Variants in WNK2 observed in about 807,000 individuals in gnomAD.
WNK2 encodes the protein WNK lysine deficient protein kinase 2, also known as serine/threonine-protein kinase WNK2.
A neutral mutation model predicts 192.1 loss-of-function variants in WNK2; 67 were observed. The observed-to-expected ratio is 0.35, with a 90% CI of 0.29 to 0.43. The LOEUF (loss-of-function observed/expected upper bound fraction) is 0.43. WNK2 is among the 20% of genes least tolerant of loss of function. WNK2 has a pLI of 1.00. For synonymous variants in WNK2, 1,439 were observed against 1,393.9 expected (o/e 1.03, Z -0.72); for missense variants, 2,698 against 3,089.7 (o/e 0.87, Z 3.01).
At chr9:93,252,261 G>T (rs80257473) in intron 8 of WNK2, among the ~76,000 whole-genome samples, 3,607 of 152,324 alleles carry the variant, frequency 0.024, 139 homozygotes, top group African/African-American at 0.083. Context: ...GTTTGATGGG[G>T]ACCAGGCCAG....
chr9:93,274,453 C>T lies in WNK2; in HGVS notation c.4033+5707C>T, dbSNP rs527918158. ...CGTGAACCCAGGAGGTGGAGCTTGC[C>T]GTGAGTCGAGATCGTGCCACTGCAC... On this transcript the variant is annotated intron_variant, in intron 19 of 29. Transcript: ENST00000427277. 2.4e-4 allele frequency among the ~76,000 whole-genome samples: 35 copies of T among 147,884 alleles called. No individual in the cohort carries two copies. In the South Asian group the frequency reaches 7.3e-3, roughly 31 times the overall value.
In WNK2 at chr9:93,259,363, C is replaced by T. The variant is rs1843817325; in HGVS notation, c.2815C>T (p.Pro939Ser). 4 of 1,612,394 alleles carry T rather than the reference C, an allele frequency of 2.5e-6. No individual in the cohort carries two copies. The highest frequency in any genetic ancestry group is 3.4e-6 in the Non-Finnish European group (4 of 1,179,470). ...CACGGTGCAGAATATGAGGGCCACC[C>T]CTCCACAGCCGGCACTGCCTCCACA... The part of the protein sequence containing the change: ...HHTVQNMRAT[P>S]PQPALPPQPT... Residue 939 changes from proline to serine, a missense_variant, in exon 12 of 30, where the codon CCT becomes TCT. Around this residue, in one of 7 missense-constraint regions of WNK2, gnomAD observed 893 missense variants for 909.0 expected, o/e 0.98. Coordinates refer to ENST00000427277, the MANE Select transcript of WNK2 (RefSeq NM_006648.4). The surrounding 1 kb of genome is among the most constrained non-coding windows in gnomAD (Gnocchi z 4.8).
At chr9:93,211,154 TCACAGATTCCCTCACTCA>T (rs1834476255) in intron 2 of WNK2, among the ~76,000 whole-genome samples, 2 of 151,800 alleles carry the variant, frequency 1.3e-5, no homozygotes, top group Non-Finnish European at 1.5e-5. Context: ...ACTTATTCAC[TCACAGATTCCCTCACTCA>T]TACATCCACT....
chr9:93,214,411 C>A lies in WNK2; in HGVS notation c.682-15285C>A, dbSNP rs141889779. On this transcript the variant is annotated intron_variant, in intron 2 of 29. Transcript: ENST00000427277. Reference sequence around the variant, plus strand: ...CTCTGCCTCCTGGGTTCAAGTGATTCTTCTGCCTCAGCTTCCCAAGTAGCT... The same window carrying A: ...CTCTGCCTCCTGGGTTCAAGTGATTATTCTGCCTCAGCTTCCCAAGTAGCT... Among the ~76,000 whole-genome samples the A allele has an allele frequency of 3.3e-3, 509 of 152,168 alleles. 2 individuals are homozygous for A. The highest frequency in any genetic ancestry group is 0.012 in the African/African-American group (479 of 41,506).
In WNK2 at chr9:93,257,094, G is replaced by T. The variant is rs760619944; in HGVS notation, c.2337G>T (p.Gln779His). The T allele has an allele frequency of 1.8e-5, 29 of 1,608,644 alleles. No homozygotes were observed. In the Middle Eastern group the frequency reaches 1.0e-3, roughly 55 times the overall value. The change falls in exon 11 of 30, where the codon CAG becomes CAT. Residue 779 changes from glutamine (Q) to histidine (H), a missense_variant. Physicochemically the swap from Gln to His is conservative, Grantham distance 24 (BLOSUM62 0). This residue lies in a region of WNK2 where 893 missense variants were observed against 909.0 expected (regional missense o/e 0.98). Transcript: ENST00000427277. This position sits in a 1 kb window ranked among gnomAD's most constrained non-coding sequence, Gnocchi z 4.7. ...VGAPAQLKPL[Q>H]MPQAPLQPLA... is the part of the protein sequence containing the mutation. ...CCCCCGCTCAGCTGAAGCCCCTCCA[G>T]ATGCCACAGGCGCCCCTGCAGCCGC...
At chr9:93,242,567 T>C (rs563820273) in intron 7 of WNK2, among the ~76,000 whole-genome samples, 104 of 152,378 alleles carry the variant, frequency 6.8e-4, no homozygotes, top group African/African-American at 2.4e-3. Context: ...TCATTGCAAA[T>C]AGCAAGTGCC....
chr9:93,248,613 GTATCTCC>G (rs1458252264), intron 8 of WNK2, among the ~76,000 whole-genome samples: 1 of 152,220 alleles, frequency 6.6e-6, no homozygotes, highest in African/African-American at 2.4e-5. Flanking sequence ...ATCCCCCGTA[GTATCTCC>G]CTTCTAAGGC....
At position 93,257,025 on chromosome 9, in the gene WNK2, C is replaced by T. The variant is rs140289274; in HGVS notation, c.2268C>T (p.Pro756=). 1.4e-5 allele frequency: 23 copies of T among 1,604,072 alleles called. No homozygotes were observed. The African/African-American group carries it at 2.7e-4, about 19-fold the overall frequency. The change falls in exon 11 of 30, where the codon CCC becomes CCT. Residue 756 remains proline (P), a synonymous_variant. Coordinates refer to ENST00000427277, the MANE Select transcript of WNK2 (RefSeq NM_006648.4). The surrounding 1 kb of genome is among the most constrained non-coding windows in gnomAD (Gnocchi z 4.7). ...CCGTGGTCCCCCTCCAGCCGGTTCCCCCCCACCTGCCACCGTACCTGGCTC... is the reference window on the plus strand; with the variant it reads ...CCGTGGTCCCCCTCCAGCCGGTTCCTCCCCACCTGCCACCGTACCTGGCTC... ...PQPVVPLQPV[P]PHLPPYLAPA...
At chr9:93,211,241 T>G (rs200550667) in intron 2 of WNK2, among the ~76,000 whole-genome samples, 12 of 4,494 alleles carry the variant, frequency 2.7e-3, no homozygotes, top group Non-Finnish European at 3.7e-3. Context: ...CACTCACTCA[T>G]TCACTCACTC....
chr9:93,312,667 A>G (rs1853879361), intron 28 of WNK2, among the ~76,000 whole-genome samples: 1 of 152,104 alleles, frequency 6.6e-6, no homozygotes, highest in East Asian at 1.9e-4. Context: ...GATTTTTGTG[A>G]GGCAAGGCAG....
chr9:93,208,987 C>T (rs1045507679), intron 2 of WNK2, among the ~76,000 whole-genome samples: 7 of 152,088 alleles, frequency 4.6e-5, no homozygotes, highest in African/African-American at 1.7e-4. Context: ...TGCTTGGTGC[C>T]CTGGCAGAGC....
rs376389884 is a variant in WNK2 at position 93,234,908 on chromosome 9, G to A, written c.1176G>A (p.Ser392=). ...FGMCMLEMAT[S]EYPYSECQNA... is the part of the protein sequence containing the mutation. ...TGTGCATGCTGGAGATGGCCACCTC[G>A]GAGTACCCCTACTCGGAGTGCCAGA... Residue 392 remains serine (S), a synonymous_variant, in exon 5 of 30, where the codon TCG becomes TCA. Transcript: ENST00000427277. 209 of 1,614,148 alleles carry A rather than the reference G, an allele frequency of 1.3e-4. No individual in the cohort carries two copies. Among genetic ancestry groups the A allele is most frequent in the Middle Eastern group, 8.2e-4 (5 of 6,062 alleles).
At chr9:93,305,824 T>C (rs1244346703) in intron 26 of WNK2, among the ~76,000 whole-genome samples, 1 of 152,184 alleles carries the variant, frequency 6.6e-6, no homozygotes, top group Non-Finnish European at 1.5e-5. Context: ...GGGAGTGTGC[T>C]CCTGGCAAGG....
At chr9:93,272,738 CAAAAAAAA>C (rs35641750) in intron 19 of WNK2, among the ~76,000 whole-genome samples, 1 of 90,802 alleles carries the variant, frequency 1.1e-5, no homozygotes, top group Non-Finnish European at 2.0e-5. Context: ...AACTCCGTCT[CAAAAAAAA>C]AAAAAAAAAA....
chr9:93,220,334 C>G (rs969073920), intron 2 of WNK2, among the ~76,000 whole-genome samples: 6 of 152,188 alleles, frequency 3.9e-5, no homozygotes, highest in Non-Finnish European at 7.3e-5. Flanking sequence ...CTGTTCTGTC[C>G]ATGCTGCCCA....
In WNK2 at chr9:93,185,544, C is replaced by T. The variant is rs1272591784; in HGVS notation, c.615C>T (p.Ser205=). Residue 205 remains serine (S), a synonymous_variant, in exon 2 of 30, where the codon TCC becomes TCT. Coordinates refer to ENST00000427277, the MANE Select transcript of WNK2 (RefSeq NM_006648.4). ...LKFDIELGRG[S]FKTVYKGLDT... is the part of the protein sequence containing the mutation. ...TCGACATCGAGCTGGGCCGCGGTTC[C>T]TTCAAGACGGTCTACAAGGGGCTGG... 9 of 1,613,034 alleles carry T rather than the reference C, an allele frequency of 5.6e-6. No individual in the cohort carries two copies. Among genetic ancestry groups the T allele is most frequent in the Admixed American group, 5.0e-5 (3 of 59,966 alleles).
At chr9:93,197,283 G>A (rs1485779209) in intron 2 of WNK2, among the ~76,000 whole-genome samples, 2 of 152,050 alleles carry the variant, frequency 1.3e-5, no homozygotes, top group East Asian at 1.9e-4. Context: ...ACCCCCTGCC[G>A]TGCTCCAGGC....
chr9:93,272,700 T>A (rs952531682), intron 19 of WNK2, among the ~76,000 whole-genome samples: 2 of 121,862 alleles, frequency 1.6e-5, no homozygotes, highest in African/African-American at 3.5e-5. Context: ...ATCGCGCCAT[T>A]GCACTCCAGC....
intron 26 of WNK2, 199 bp downstream of exon 26, chr9:93,300,348 C>T: frequency 1.9e-6 from 1 of 535,564 alleles, no homozygotes; most frequent in South Asian, 2.3e-5. Context: ...CCCCAAGCCC[C>T]ACACAGCGTG....
Sources: allele counts gnomAD v4.1 joint callset (sites outside exome capture counted in the v4.1 genomes callset), GRCh38; gene constraint gnomAD v4.1.1; regional missense constraint gnomAD v4.1.1; non-coding constraint Gnocchi (gnomAD v3.1); transcripts MANE v1.5; gene names NCBI Gene and HGNC (gene_info 2026-07-23, HGNC 2026-07-21).